The following DRC7 variants were observed in gnomAD, a reference collection of about 807,000 sequenced individuals.
DRC7 encodes dynein regulatory complex subunit 7.
In DRC7, 80 loss-of-function variants were observed where a neutral mutation model predicts 104.4. The ratio of observed to expected loss-of-function variants is 0.77; its 90% CI spans 0.64 to 0.92. DRC7 has a LOEUF of 0.92. DRC7 is among the 40% of genes least tolerant of loss of function. The pLI, the probability that DRC7 is intolerant of heterozygous loss-of-function variation, is 0.00. For missense variants in DRC7, 1,034 were observed against 1,141.1 expected, an observed-to-expected ratio of 0.91 and a Z score of 1.35; for synonymous variants, 405 against 447.3, an observed-to-expected ratio of 0.91 and a Z score of 1.19.
chr16:57,710,940 A>G (rs1483034985), intron 8 of DRC7, among the ~76,000 whole-genome samples: 1 of 152,166 alleles, frequency 6.6e-6, no homozygotes, highest in East Asian at 1.9e-4. Flanking sequence ...ATTGTTCTGT[A>G]GTTTTCTTAG....
At chr16:57,695,811 A>C (rs2048587101) in intron 1 of DRC7, among the ~76,000 whole-genome samples, 1 of 152,232 alleles carries the variant, frequency 6.6e-6, no homozygotes, top group Non-Finnish European at 1.5e-5. Flanking sequence ...ACAGTGACCC[A>C]AGGGTCCAGC....
At chr16:57,698,302 T>G in intron 3 of DRC7, 150 bp downstream of exon 3, 3 of 1,223,466 alleles carry the variant, frequency 2.5e-6, no homozygotes, top group Non-Finnish European at 3.3e-6. Context: ...TCAAATGGCC[T>G]GGGCCGAGTG....
chr16:57,705,437 C>A (rs1431927253), intron 7 of DRC7, among the ~76,000 whole-genome samples: 1 of 150,026 alleles, frequency 6.7e-6, no homozygotes, highest in Non-Finnish European at 1.5e-5. Flanking sequence ...ATCCTCCCAT[C>A]CATCCTCTGA....
intron 8 of DRC7, among the ~76,000 whole-genome samples, chr16:57,716,528 A>G (rs1202687777): frequency 6.6e-6 from 1 of 151,394 alleles, no homozygotes; most frequent in Non-Finnish European, 1.5e-5. Flanking sequence ...GAGTGAAAAA[A>G]GGCAAATATC....
At chr16:57,717,563 G>T (rs1298824528) in intron 8 of DRC7, among the ~76,000 whole-genome samples, 1 of 151,894 alleles carries the variant, frequency 6.6e-6, no homozygotes, top group Non-Finnish European at 1.5e-5. Context: ...GCCAGGCATG[G>T]TGGCATGTGC....
At position 57,716,502 on chromosome 16, in the gene DRC7, GAA is replaced by G. The variant is rs57994446; in HGVS notation, c.1078-1831_1078-1830del. ...TGGGCAACAGAGCAAGACTCCATCT[GAA>G]AAAAAAAAAAAAAGAGTGAAAAAAG... On this transcript the variant is annotated intron_variant, in intron 8 of 18. Transcript: ENST00000360716. 3.9e-3 allele frequency among the ~76,000 whole-genome samples: 466 copies of G among 118,822 alleles called. 4 individuals are homozygous for G. The highest frequency in any genetic ancestry group is 5.1e-3 in the Non-Finnish European group (285 of 55,482). 78.0% of individuals were successfully genotyped at this position (118,822 alleles called of 152,430 possible).
At chr16:57,719,133 T>G (rs1248504169) in intron 9 of DRC7, among the ~76,000 whole-genome samples, 1 of 152,008 alleles carries the variant, frequency 6.6e-6, no homozygotes, top group Non-Finnish European at 1.5e-5. Flanking sequence ...TGCCAGGCCT[T>G]TCTTGTCTGT....
In DRC7 at chr16:57,698,125, T is replaced by C; in HGVS notation, c.176T>C (p.Ile59Thr). Residue 59 changes from isoleucine to threonine, a missense_variant, in exon 3 of 19, where the codon ATC (isoleucine) becomes ACC (threonine). By Grantham distance (89) the Ile-to-Thr change is moderately conservative. Transcript: ENST00000360716. ...LRDLEKKLSE[I>T]QITVSAELPA... ...GACCTGGAGAAGAAGCTGTCAGAGA[T>C]CCAGATCACTGTCTCAGCGGAGCTC... 6.2e-7 allele frequency: 1 copy of C among 1,614,056 alleles called. No homozygotes were observed. Among genetic ancestry groups the C allele is most frequent in the South Asian group, 1.1e-5 (1 of 91,070 alleles).
chr16:57,725,878 G>A (rs566571072), intron 13 of DRC7, 190 bp from the exon 14 acceptor site: 195 of 603,626 alleles, frequency 3.2e-4, no homozygotes, highest in African/African-American at 2.7e-3. Context: ...CCATATGGGA[G>A]TGGAGTGGCC....
At chr16:57,716,583 C>G (rs866302005) in intron 8 of DRC7, among the ~76,000 whole-genome samples, 8 of 152,002 alleles carry the variant, frequency 5.3e-5, no homozygotes, top group African/African-American at 1.9e-4. Context: ...AGCTTTGCCA[C>G]AGTCGCTGTG....
chr16:57,711,652 T>C (rs1287955556), intron 8 of DRC7, among the ~76,000 whole-genome samples: 1 of 152,064 alleles, frequency 6.6e-6, no homozygotes, highest in Non-Finnish European at 1.5e-5. Context: ...AGAGAAAGAG[T>C]AATTCACGCA....
Position 57,698,991 on chromosome 16 carries a change from CT to C in DRC7, c.347del (p.Phe116SerfsTer5), listed in dbSNP as rs1228707746. 7.4e-6 allele frequency: 12 copies of C among 1,614,094 alleles called. No individual in the cohort carries two copies. Among genetic ancestry groups the C allele is most frequent in the Non-Finnish European group, 1.0e-5 (12 of 1,180,032 alleles). Reference protein sequence around the residue: ...SHLCPDRVPLFLHPLNECEVP... With the variant: ...SHLCPDRVPLXLHPLNECEVP... The stretch of plus-strand genomic sequence containing the variant: ...ATCTGTGCCCGGACCGCGTGCCCCT[CT>C]TCCTGCACCCCCTGAACGAGTGTGA... On this transcript the variant is annotated frameshift_variant, in exon 4 of 19. Coordinates refer to ENST00000360716, the MANE Select transcript of DRC7 (RefSeq NM_001289162.2). LOFTEE classifies it high-confidence loss of function.
intron 7 of DRC7, 93 bp downstream of exon 7, chr16:57,705,127 GTA>G: frequency 7.2e-7 from 1 of 1,390,638 alleles, no homozygotes; most frequent in South Asian, 1.4e-5. Context: ...GGGGATGTGT[GTA>G]TGGACCCCCC....
At chr16:57,718,679 G>A (rs2048870964) in intron 9 of DRC7, among the ~76,000 whole-genome samples, 1 of 152,182 alleles carries the variant, frequency 6.6e-6, no homozygotes, top group African/African-American at 2.4e-5. Context: ...ACCTACCCAG[G>A]ACCTCCCAGT....
chr16:57,708,924 T>A (rs1227145729), intron 8 of DRC7, among the ~76,000 whole-genome samples: 1 of 152,028 alleles, frequency 6.6e-6, no homozygotes, highest in Admixed American at 6.6e-5. Context: ...AAGTCAGGAA[T>A]TCAAGACCAG....
intron 8 of DRC7, among the ~76,000 whole-genome samples, chr16:57,712,193 G>A (rs1208890205): frequency 3.3e-5 from 5 of 152,168 alleles, no homozygotes; most frequent in Admixed American, 6.5e-5. Context: ...GGAGTCGATT[G>A]AGATCTCTTT....
chr16:57,727,232 A>T (rs2048980003), intron 15 of DRC7, 67 bp from the exon 16 acceptor site: 16 of 1,337,918 alleles, frequency 1.2e-5, no homozygotes, highest in Non-Finnish European at 1.7e-5. Flanking sequence ...TGGCTTCCCA[A>T]AGTGCTGGGG....
Position 57,707,576 on chromosome 16 carries a change from A to T in DRC7, c.975A>T (p.Gly325=). ...PENFFIDPFT[G]HSYSTQDEHF... ...ACTTCTTCATCGACCCATTCACAGG[A>T]CATAGCTACAGCACCCAGGATGAGC... The change falls in exon 8 of 19, where the codon GGA becomes GGT. Residue 325 remains glycine (G), a synonymous_variant. Transcript: ENST00000360716. 1.2e-6 allele frequency: 2 copies of T among 1,613,650 alleles called. No homozygotes were observed. Among genetic ancestry groups the T allele is most frequent in the Non-Finnish European group, 1.7e-6 (2 of 1,180,026 alleles).
intron 8 of DRC7, among the ~76,000 whole-genome samples, chr16:57,715,455 A>G (rs2048832356): frequency 6.6e-6 from 1 of 152,216 alleles, no homozygotes; most frequent in African/African-American, 2.4e-5. Context: ...GACTTGATGC[A>G]TGATTGCTTT....
Sources: gnomAD v4.1 joint callset for allele counts (sites outside exome capture counted in the v4.1 genomes callset) on GRCh38, gnomAD v4.1.1 for gene constraint, MANE v1.5 for transcripts, NCBI Gene and HGNC (gene_info 2026-07-23, HGNC 2026-07-21) for gene names.